STAB2: variants seen among roughly 807,000 people sequenced by gnomAD.
STAB2 encodes stabilin 2.
A neutral mutation model predicts 338.1 loss-of-function variants in STAB2; 288 were observed. That is an observed-to-expected ratio of 0.85 (90% CI 0.77 to 0.94). The LOEUF is 0.94. STAB2 is among the 40% of genes least tolerant of loss of function. The pLI is 0.00. For synonymous variants in STAB2, 1,202 were observed against 1,193.3 expected (o/e 1.01, Z -0.15); for missense variants, 3,141 against 3,210.1 (o/e 0.98, Z 0.52).
At chr12:103,685,676 G>T (rs1437280263) in intron 27 of STAB2, among the ~76,000 whole-genome samples, 1 of 152,138 alleles carries the variant, frequency 6.6e-6, no homozygotes, top group Non-Finnish European at 1.5e-5. Flanking sequence ...TGATAGCTCT[G>T]ATAGCTGTCA....
rs1566022375 is a variant in STAB2 at position 103,695,540 on chromosome 12, CT to C, written c.3376-4del. 13 of 1,614,012 alleles carry C rather than the reference CT, an allele frequency of 8.1e-6. No homozygotes were observed. The highest frequency in any genetic ancestry group is 3.3e-5 in the Admixed American group (2 of 59,990). Reference sequence around the variant, plus strand: ...ACATGCTAACAGGATTCTGGGGTTTCTTTTTTCAGGTGCTGGTCCCACAAAG... The same window carrying C: ...ACATGCTAACAGGATTCTGGGGTTTCTTTTTCAGGTGCTGGTCCCACAAAG... On this transcript the variant is annotated splice_polypyrimidine_tract_variant and intron_variant, in intron 31 of 68. Transcript: ENST00000388887.
At chr12:103,666,143 G>A in intron 18 of STAB2, 148 bp from the exon 19 acceptor site, 1 of 694,192 alleles carries the variant, frequency 1.4e-6, no homozygotes, top group Non-Finnish European at 2.5e-6. Flanking sequence ...GGTGGAGTCG[G>A]TGTGGGGAGG....
rs1253704153 is a variant in STAB2 at position 103,699,081 on chromosome 12, CTG to C, written c.3583-8_3583-7del. 2 of 1,600,670 alleles carry C rather than the reference CTG, an allele frequency of 1.2e-6. No individual in the cohort carries two copies. The highest frequency in any genetic ancestry group is 1.7e-6 in the Non-Finnish European group (2 of 1,170,686). The stretch of plus-strand genomic sequence containing the variant: ...CTGATCTCTTGACTGACTTCCAATT[CTG>C]TGTGTGATCCAGGAGGAGGACGTCC... On this transcript the variant is annotated splice_polypyrimidine_tract_variant and intron_variant, in intron 33 of 68. Transcript: ENST00000388887.
At chr12:103,754,687 C>CCTG (rs1883960377) in intron 61 of STAB2, among the ~76,000 whole-genome samples, 1 of 152,092 alleles carries the variant, frequency 6.6e-6, no homozygotes, top group African/African-American at 2.4e-5. Context: ...TGGTGACTCA[C>CCTG]GCCTGTAATC....
intron 17 of STAB2, 61 bp from the exon 18 acceptor site, chr12:103,662,785 T>C: frequency 6.4e-7 from 1 of 1,572,166 alleles, no homozygotes; most frequent in Non-Finnish European, 8.7e-7. Flanking sequence ...TGCCTGAGGA[T>C]CACTGGCAGT....
intron 3 of STAB2, among the ~76,000 whole-genome samples, chr12:103,619,848 A>G (rs113359323): frequency 1.3e-5 from 2 of 151,700 alleles, no homozygotes; most frequent in Non-Finnish European, 2.9e-5. Context: ...CCCTTTTACA[A>G]TTCCAAGACC....
Position 103,708,397 on chromosome 12 carries a change from C to T in STAB2, c.4193-44C>T, listed in dbSNP as rs1366586087. 7 of 1,583,474 alleles carry T rather than the reference C, an allele frequency of 4.4e-6. No homozygotes were observed. The East Asian group carries it at 1.3e-4, about 30-fold the overall frequency. On this transcript the variant is annotated intron_variant, in intron 38 of 68. Transcript: ENST00000388887. ...AGTAAATGACAAATGAGTTATTGAA[C>T]ATGGGTTAGAATCTGACGATTTGCA...
intron 25 of STAB2, 96 bp from the exon 26 acceptor site, chr12:103,683,109 C>T: frequency 9.5e-7 from 1 of 1,051,560 alleles, no homozygotes; most frequent in Non-Finnish European, 1.4e-6. Context: ...CAAGCAGCTT[C>T]AGTTTCCATA....
At chr12:103,643,992 G>A (rs578135431) in intron 9 of STAB2, among the ~76,000 whole-genome samples, 28 of 90,472 alleles carry the variant, frequency 3.1e-4, no homozygotes, top group African/African-American at 1.0e-3. Context: ...TGGGAAGTGA[G>A]GAGCCCCTCT....
At position 103,755,452 on chromosome 12, in the gene STAB2, T is replaced by C; in HGVS notation, c.6865T>C (p.Cys2289Arg). 1.2e-6 allele frequency: 2 copies of C among 1,614,044 alleles called. No homozygotes were observed. Among genetic ancestry groups the C allele is most frequent in the Non-Finnish European group, 1.7e-6 (2 of 1,179,952 alleles). ...CAAGAGTGAAATGTGGGATGTCTTC[T>C]GCTATCGGATGAAAGGTAACCGCCC... ...PNKSEMWDVF[C>R]YRMKDVNCTC... The change falls in exon 62 of 69, where the codon TGC (cysteine) becomes CGC (arginine). Residue 2289 changes from cysteine (C) to arginine (R), a missense_variant. Transcript: ENST00000388887.
chr12:103,740,584 G>A (rs1233158746), intron 54 of STAB2, 46 bp from the exon 55 acceptor site: 21 of 1,596,622 alleles, frequency 1.3e-5, no homozygotes, highest in Non-Finnish European at 1.8e-5. Flanking sequence ...CAGAGCCCTA[G>A]TCCCTGCAGT....
chr12:103,687,390 A>T (rs553229796), intron 27 of STAB2, among the ~76,000 whole-genome samples: 1 of 151,958 alleles, frequency 6.6e-6, no homozygotes, highest in Non-Finnish European at 1.5e-5. Context: ...AATATTGGTT[A>T]TCTTTTCAAG....
At chr12:103,650,374 A>G (rs1873646150) in intron 10 of STAB2, 122 bp from the exon 11 acceptor site, 3 of 698,804 alleles carry the variant, frequency 4.3e-6, no homozygotes, top group African/African-American at 3.6e-5. Context: ...ACACATGCCC[A>G]TTAGAATAGA....
chr12:103,735,905 GTCAT>G (rs1351655186), intron 52 of STAB2, among the ~76,000 whole-genome samples: 1 of 152,116 alleles, frequency 6.6e-6, no homozygotes, highest in African/African-American at 2.4e-5. Flanking sequence ...AAAGTATACA[GTCAT>G]TCCTTTCTCT....
At chr12:103,628,451 G>A (rs1426256008) in intron 5 of STAB2, among the ~76,000 whole-genome samples, 1 of 152,164 alleles carries the variant, frequency 6.6e-6, no homozygotes, top group Non-Finnish European at 1.5e-5. Flanking sequence ...TAGGGCAGCT[G>A]CAACAAAGTA....
intron 1 of STAB2, among the ~76,000 whole-genome samples, chr12:103,589,285 T>C (rs530746304): frequency 6.6e-6 from 1 of 152,286 alleles, no homozygotes; most frequent in Non-Finnish European, 1.5e-5. Context: ...TGTGGGATAA[T>C]ACAGAAGCAT....
chr12:103,723,181 T>C (rs1276714047), intron 44 of STAB2, among the ~76,000 whole-genome samples: 1 of 152,194 alleles, frequency 6.6e-6, no homozygotes, highest in African/African-American at 2.4e-5. Flanking sequence ...GAGTGGAATG[T>C]CATCTGTATT....
chr12:103,677,758 C>T (rs1216429543), intron 25 of STAB2, 147 bp downstream of exon 25: 1 of 941,514 alleles, frequency 1.1e-6, no homozygotes, highest in East Asian at 2.8e-5. Flanking sequence ...ATTGCCACAA[C>T]AAACCTATGA....
chr12:103,664,651 T>C (rs1186151179), intron 18 of STAB2, among the ~76,000 whole-genome samples: 1 of 152,192 alleles, frequency 6.6e-6, no homozygotes, highest in African/African-American at 2.4e-5. Context: ...CTCATTTTAT[T>C]TATTGTTTTG....
Sources: allele counts gnomAD v4.1 joint callset (sites outside exome capture counted in the v4.1 genomes callset), GRCh38; gene constraint gnomAD v4.1.1; transcripts MANE v1.5; gene names NCBI Gene and HGNC (gene_info 2026-07-23, HGNC 2026-07-21).